GTPBP8: variants seen among roughly 807,000 people sequenced by gnomAD.
GTPBP8 encodes GTP binding protein 8.
In GTPBP8, 21 loss-of-function variants were observed where a neutral mutation model predicts 27.3. That is an observed-to-expected ratio of 0.77 (90% CI 0.55 to 1.11). The LOEUF is 1.11. Among genes scored for constraint, GTPBP8 ranks in the 50% least tolerant of loss-of-function variants. GTPBP8 has a pLI of 0.00. For synonymous variants in GTPBP8, 147 were observed against 135.3 expected, an observed-to-expected ratio of 1.09 and a Z score of -0.60; for missense variants, 380 against 350.8, an observed-to-expected ratio of 1.08 and a Z score of -0.67.
At chr3:113,000,327 T>C (rs748211801) in intron 5 of GTPBP8, among the ~76,000 whole-genome samples, 8 of 151,930 alleles carry the variant, frequency 5.3e-5, no homozygotes, top group Non-Finnish European at 1.0e-4. Flanking sequence ...GATCACGCCA[T>C]TGCACTCCAG....
chr3:112,997,175 C>T (rs1469958596), intron 4 of GTPBP8, among the ~76,000 whole-genome samples, 184 bp downstream of exon 4: 1 of 152,116 alleles, frequency 6.6e-6, no homozygotes, highest in African/African-American at 2.4e-5. Flanking sequence ...CACTTTTATT[C>T]TCTTTTCTGT....
chr3:112,996,028 G>C (rs1345978357), intron 3 of GTPBP8, among the ~76,000 whole-genome samples: 2 of 152,124 alleles, frequency 1.3e-5, no homozygotes, highest in African/African-American at 4.8e-5. Context: ...GAAAATTGAT[G>C]TTAATCTTTT....
At chr3:112,994,576 TA>T (rs1342697237) in intron 2 of GTPBP8, among the ~76,000 whole-genome samples, 1 of 152,204 alleles carries the variant, frequency 6.6e-6, no homozygotes, top group Non-Finnish European at 1.5e-5. Context: ...GTATATGCAG[TA>T]AAAAATTGTT....
In GTPBP8 at chr3:112,991,085, C is replaced by G. The variant is rs201314486; in HGVS notation, c.86C>G (p.Thr29Arg). Residue 29 changes from threonine (T) to arginine (R), a missense_variant, in exon 1 of 6, where the codon ACG becomes AGG. Thr to Arg is a moderately conservative substitution (Grantham distance 71). Coordinates refer to ENST00000383678, the MANE Select transcript of GTPBP8 (RefSeq NM_014170.4). ...GAGCGACTGAGCCGCTATAATAGCA[C>G]GTCCCAAGCTTTTGCTGAGGTGCTG... ...VLERLSRYNS[T>R]SQAFAEVLRL... The G allele has an allele frequency of 2.5e-4, 404 of 1,614,032 alleles. No individual in the cohort carries two copies. The highest frequency in any genetic ancestry group is 3.2e-4 in the Non-Finnish European group (372 of 1,179,986).
In GTPBP8 at chr3:112,999,584, G is replaced by GT. The variant is rs1933852995; in HGVS notation, c.785+26dup. On this transcript the variant is annotated intron_variant, in intron 5 of 5. Coordinates refer to ENST00000383678, the MANE Select transcript of GTPBP8 (RefSeq NM_014170.4). ...TGTAAGGTAAGAGTTGAATTGTTTTGTTTTTTGTTTTTTATGAAGTAATCT... is the reference window on the plus strand; with the variant it reads ...TGTAAGGTAAGAGTTGAATTGTTTTGTTTTTTTGTTTTTTATGAAGTAATCT... 1 of 911,374 alleles carries GT rather than the reference G, an allele frequency of 1.1e-6. No individual in the cohort carries two copies. Among genetic ancestry groups the GT allele is most frequent in the Non-Finnish European group, 1.7e-6 (1 of 596,458 alleles). The allele number at this position is 911,374 out of a possible 1,614,324, so 56.5% of individuals were successfully genotyped here.
At position 113,001,563 on chromosome 3, in the gene GTPBP8, C is replaced by G. The variant is rs1295772891; in HGVS notation, c.*644C>G. On this transcript the variant is annotated 3_prime_UTR_variant, in exon 6 of 6. Coordinates refer to ENST00000383678, the MANE Select transcript of GTPBP8 (RefSeq NM_014170.4). ...TGTAAACGTGAAAGCTATTAAGATT[C>G]AAATGAATGGTTTTACAGCAGGTAA... The G allele has an allele frequency of 6.6e-6, 1 of 152,016 alleles. No individual in the cohort carries two copies. 9.4% of individuals were successfully genotyped at this position (152,016 alleles called of 1,614,324 possible). A position where few individuals can be genotyped will look rare whatever the true frequency, so the allele number is the denominator to read the frequency against.
chr3:112,995,295 T>C lies in GTPBP8; in HGVS notation c.566+30T>C, dbSNP rs368513711. On this transcript the variant is annotated intron_variant, in intron 3 of 5. Transcript: ENST00000383678. ...GGAAAAGATTTTCTTATAATAGTTA[T>C]ACATTTAACCCCAAAGCATGTTTTC... The C allele has an allele frequency of 1.7e-4, 245 of 1,476,570 alleles. 2 individuals are homozygous for C. In the South Asian group the frequency reaches 1.7e-3, roughly 10 times the overall value. 91.5% of individuals were successfully genotyped at this position (1,476,570 alleles called of 1,614,324 possible). A position where few individuals can be genotyped will look rare whatever the true frequency, so the allele number is the denominator to read the frequency against.
chr3:112,993,004 A>T (rs751449525), intron 1 of GTPBP8, 22 bp from the exon 2 acceptor site: 3 of 1,347,504 alleles, frequency 2.2e-6, no homozygotes, highest in Non-Finnish European at 3.2e-6. Flanking sequence ...GTACGTACTT[A>T]TCTTGTTTTT....
At chr3:112,991,403 C>A (rs1376307957) in intron 1 of GTPBP8, 68 bp downstream of exon 1, 1 of 1,424,326 alleles carries the variant, frequency 7.0e-7, no homozygotes. Flanking sequence ...CCTGGCCGTC[C>A]GGCTCGCGGG....
intron 5 of GTPBP8, among the ~76,000 whole-genome samples, chr3:113,000,514 A>AT (rs1439231544): frequency 6.6e-6 from 1 of 152,160 alleles, no homozygotes; most frequent in Non-Finnish European, 1.5e-5. Context: ...GGTGATGGTA[A>AT]TTTTTTTAAA....
intron 4 of GTPBP8, among the ~76,000 whole-genome samples, chr3:112,997,708 C>G (rs1226659038): frequency 6.6e-6 from 1 of 152,168 alleles, no homozygotes; most frequent in East Asian, 1.9e-4. Context: ...CACCAAATTA[C>G]TAGTCAGCCA....
chr3:112,998,175 G>A (rs1370132925), intron 4 of GTPBP8, among the ~76,000 whole-genome samples: 1 of 152,026 alleles, frequency 6.6e-6, no homozygotes, highest in East Asian at 1.9e-4. Flanking sequence ...ATGTGTAGGG[G>A]TTTTTGTCTT....
intron 5 of GTPBP8, among the ~76,000 whole-genome samples, chr3:112,999,888 GTTAC>G (rs1477201411): frequency 1.3e-5 from 2 of 152,058 alleles, no homozygotes; most frequent in Non-Finnish European, 2.9e-5. Context: ...TTATTCCTGA[GTTAC>G]TTCACTTAGA....
chr3:112,991,596 A>G, intron 1 of GTPBP8: 2 of 667,116 alleles, frequency 3.0e-6, no homozygotes, highest in Non-Finnish European at 5.5e-6. Flanking sequence ...CACTGTAAGC[A>G]GAGACTGCCT....
At chr3:112,991,731 G>A in intron 1 of GTPBP8, 1 of 373,204 alleles carries the variant, frequency 2.7e-6, no homozygotes, top group South Asian at 2.1e-5. Flanking sequence ...ACTTAAGTAG[G>A]GAAAACATGC....
Position 113,001,730 on chromosome 3 carries a change from G to A in GTPBP8, c.*811G>A, listed in dbSNP as rs893227044. ...AGTGAAAAAGCAAAAAACAAAAATA[G>A]CTTTAAGTGAGAAAACTAATTTGTA... On this transcript the variant is annotated 3_prime_UTR_variant, in exon 6 of 6. Transcript: ENST00000383678. 1 of 152,108 alleles carries A rather than the reference G, an allele frequency of 6.6e-6. No homozygotes were observed. Among genetic ancestry groups the A allele is most frequent in the Non-Finnish European group, 1.5e-5 (1 of 67,996 alleles). 9.4% of individuals were successfully genotyped at this position (152,108 alleles called of 1,614,324 possible). A position where few individuals can be genotyped will look rare whatever the true frequency, so the allele number is the denominator to read the frequency against.
intron 2 of GTPBP8, among the ~76,000 whole-genome samples, chr3:112,993,369 G>T (rs1933721853): frequency 6.6e-6 from 1 of 152,166 alleles, no homozygotes; most frequent in Non-Finnish European, 1.5e-5. Context: ...AAATTTTGCA[G>T]AGTTGCCAAA....
Position 112,991,235 on chromosome 3 carries a change from C to G in GTPBP8, c.236C>G (p.Ala79Gly). ...TTTGACCCAAGCCCGGAGGACATAG[C>G]CAGGGCGGACAACATCTTCACGGCC... ...RIFDPSPEDI[A>G]RADNIFTATE... Residue 79 changes from alanine (A) to glycine (G), a missense_variant, in exon 1 of 6, where the codon GCC becomes GGC. Transcript: ENST00000383678. 1.9e-6 allele frequency: 3 copies of G among 1,614,084 alleles called. No individual in the cohort carries two copies. Among genetic ancestry groups the G allele is most frequent in the Non-Finnish European group, 2.5e-6 (3 of 1,180,018 alleles).
intron 4 of GTPBP8, among the ~76,000 whole-genome samples, chr3:112,997,330 A>G (rs368124548): frequency 4.6e-5 from 7 of 152,256 alleles, no homozygotes; most frequent in Non-Finnish European, 5.9e-5. Flanking sequence ...CTTTAACAGC[A>G]GCGTGGCAGA....
Sources: gnomAD v4.1 joint callset for allele counts (sites outside exome capture counted in the v4.1 genomes callset) on GRCh38, gnomAD v4.1.1 for gene constraint, MANE v1.5 for transcripts, NCBI Gene and HGNC (gene_info 2026-07-23, HGNC 2026-07-21) for gene names.